The following SYNJ2 variants were observed in gnomAD, a reference collection of about 807,000 sequenced individuals.
The protein encoded by SYNJ2 is polyphosphatidylinositol phosphatase SYNJ2.
Under a neutral mutation model 141.3 loss-of-function variants are expected in SYNJ2, and 116 were observed. That is an observed-to-expected ratio of 0.82 (90% CI 0.71 to 0.96). The LOEUF is 0.96. SYNJ2 is among the 40% of genes least tolerant of loss of function. The pLI is 0.00. For synonymous variants in SYNJ2, 745 were observed against 777.7 expected (o/e 0.96, Z 0.70); for missense variants, 1,873 against 1,934.8 (o/e 0.97, Z 0.60).
chr6:158,088,923 G>T (rs1783257724), intron 24 of SYNJ2, 151 bp downstream of exon 24: 2 of 606,552 alleles, frequency 3.3e-6, no homozygotes, highest in East Asian at 5.7e-5. Context: ...TTCCTCGCAG[G>T]TTCTCCATAG....
rs189666171 is a variant in SYNJ2, at chr6:158,067,085, C to T, written c.1717+450C>T. On this transcript the variant is annotated intron_variant, in intron 12 of 26. Transcript: ENST00000355585. Reference sequence around the variant, plus strand: ...CCAGGCTAGAGTGTAGTGACGCAATCTCGGCTCACTGCAACCTCCATCTCC... The same window carrying T: ...CCAGGCTAGAGTGTAGTGACGCAATTTCGGCTCACTGCAACCTCCATCTCC... 1.6e-3 allele frequency among the ~76,000 whole-genome samples: 250 copies of T among 152,336 alleles called. 1 individual carries two copies. Among genetic ancestry groups the T allele is most frequent in the Non-Finnish European group, 2.9e-3 (200 of 68,034 alleles).
chr6:158,094,748 T>C (rs538789096), intron 26 of SYNJ2, among the ~76,000 whole-genome samples: 3 of 152,388 alleles, frequency 2.0e-5, no homozygotes, highest in African/African-American at 7.2e-5. Flanking sequence ...TCACCTTTTC[T>C]GAACAAAAGC....
At chr6:158,095,208 T>G (rs1783728453) in intron 26 of SYNJ2, among the ~76,000 whole-genome samples, 1 of 152,204 alleles carries the variant, frequency 6.6e-6, no homozygotes, top group Admixed American at 6.5e-5. Context: ...TTAGCTTATG[T>G]TGTAACACAA....
Position 157,983,831 on chromosome 6 carries a change from AT to A in SYNJ2, c.127+1757del, listed in dbSNP as rs566097714. ...TTTCAGTAGAAAACTTTAAAAAAAA[AT>A]TTTTTTTTTTTTTGAAACAGAGGCT... On this transcript the variant is annotated intron_variant, in intron 1 of 26. Transcript: ENST00000355585. Among the ~76,000 whole-genome samples, 627 of 144,454 alleles carry A rather than the reference AT, an allele frequency of 4.3e-3. 5 individuals are homozygous for A. Among genetic ancestry groups the A allele is most frequent in the South Asian group, 9.3e-3 (43 of 4,616 alleles). The allele number at this position is 144,454 out of a possible 152,430, so 94.8% of individuals were successfully genotyped here. A position where few individuals can be genotyped will look rare whatever the true frequency, so the allele number is the denominator to read the frequency against.
intron 1 of SYNJ2, among the ~76,000 whole-genome samples, chr6:158,000,654 C>T (rs1777811613): frequency 6.6e-6 from 1 of 152,072 alleles, no homozygotes; most frequent in African/African-American, 2.4e-5. Flanking sequence ...TCAACTCTCC[C>T]CGCCGACCCC....
At chr6:158,082,920 G>C (rs1782790885) in intron 20 of SYNJ2, among the ~76,000 whole-genome samples, 1 of 144,656 alleles carries the variant, frequency 6.9e-6, no homozygotes, top group African/African-American at 2.7e-5. Flanking sequence ...CAAATGGGAA[G>C]CTGGAGATGA....
intron 16 of SYNJ2, among the ~76,000 whole-genome samples, chr6:158,075,737 C>T (rs143428612): frequency 1.1e-4 from 16 of 152,262 alleles, no homozygotes; most frequent in African/African-American, 2.9e-4. Context: ...ACTTGAGCCC[C>T]TTCCAGTGTG....
chr6:158,048,727 G>T (rs1413728204), intron 5 of SYNJ2, among the ~76,000 whole-genome samples: 1 of 152,208 alleles, frequency 6.6e-6, no homozygotes, highest in Non-Finnish European at 1.5e-5. Flanking sequence ...GTCAGACTGG[G>T]TGCAGGGAGC....
At position 158,047,774 on chromosome 6, in the gene SYNJ2, CAAAAAAAAA is replaced by C. The variant is rs58147972; in HGVS notation, c.795+4398_795+4406del. Among the ~76,000 whole-genome samples the C allele has an allele frequency of 8.3e-3, 268 of 32,368 alleles. 2 individuals are homozygous for C. The highest frequency in any genetic ancestry group is 0.011 in the Non-Finnish European group (220 of 19,780). The allele number at this position is 32,368 out of a possible 152,430, so 21.2% of individuals were successfully genotyped here. ...CCTGGTCAACAGAGTGCGACTCTGT[CAAAAAAAAA>C]AAAAAAAAAAAAAAAAAAAAAACAC... On this transcript the variant is annotated intron_variant, in intron 5 of 26. Transcript: ENST00000355585.
At chr6:158,049,285 G>A (rs1780425686) in intron 5 of SYNJ2, among the ~76,000 whole-genome samples, 1 of 152,168 alleles carries the variant, frequency 6.6e-6, no homozygotes, top group Admixed American at 6.5e-5. Flanking sequence ...TGCAGTGACA[G>A]TGGTGGACCC....
intron 2 of SYNJ2, among the ~76,000 whole-genome samples, chr6:158,022,124 G>A (rs1160036284): frequency 1.3e-5 from 2 of 152,226 alleles, no homozygotes; most frequent in African/African-American, 2.4e-5. Flanking sequence ...GGTGGCGGGG[G>A]AGGCTCAAGG....
At chr6:158,077,352 T>C (rs1782367767) in intron 17 of SYNJ2, among the ~76,000 whole-genome samples, 1 of 152,158 alleles carries the variant, frequency 6.6e-6, no homozygotes, top group Non-Finnish European at 1.5e-5. Flanking sequence ...TGGCTGCCCC[T>C]GCATCACAGC....
intron 4 of SYNJ2, among the ~76,000 whole-genome samples, chr6:158,042,333 G>T (rs1779993298): frequency 6.6e-6 from 1 of 152,226 alleles, no homozygotes; most frequent in African/African-American, 2.4e-5. Context: ...GTGGCCCAGG[G>T]AAACAGTGGC....
intron 23 of SYNJ2, among the ~76,000 whole-genome samples, chr6:158,087,271 T>G (rs1346996816): frequency 2.6e-5 from 4 of 152,186 alleles, no homozygotes; most frequent in African/African-American, 9.7e-5. Context: ...CATTAGAGGA[T>G]GCAGAATGGG....
In SYNJ2 at chr6:158,071,942, G is replaced by A. The variant is rs1781955720; in HGVS notation, c.2133+148G>A. On this transcript the variant is annotated intron_variant, in intron 15 of 26. Coordinates refer to ENST00000355585, the MANE Select transcript of SYNJ2 (RefSeq NM_003898.4). This position sits in a 1 kb window ranked among gnomAD's most constrained non-coding sequence, Gnocchi z 4.3. Reference sequence around the variant, plus strand: ...CGCTGGGGGAGGGGGAGAGGGCTATGTCCCTCCATGGAATTGACCTGGGGC... The same window carrying A: ...CGCTGGGGGAGGGGGAGAGGGCTATATCCCTCCATGGAATTGACCTGGGGC... 1.0e-6 allele frequency: 1 copy of A among 972,848 alleles called. No homozygotes were observed. The highest frequency in any genetic ancestry group is 2.7e-5 in the East Asian group (1 of 37,240). 60.3% of individuals were successfully genotyped at this position (972,848 alleles called of 1,614,324 possible). A position where few individuals can be genotyped will look rare whatever the true frequency, so the allele number is the denominator to read the frequency against.
rs1468846199 is a variant in SYNJ2 at position 158,071,646 on chromosome 6, C to A, written c.1985C>A (p.Ala662Glu). ...GTGAAGACGGGCATGGGGGGCAAGG[C>A]GGGGAACAAGGGCGCCGTCGGCATC... ...DTVKTGMGGK[A>E]GNKGAVGIRF... Residue 662 changes from alanine (A) to glutamate (E), a missense_variant, in exon 15 of 27, where the codon GCG becomes GAG. Transcript: ENST00000355585. This position sits in a 1 kb window ranked among gnomAD's most constrained non-coding sequence, Gnocchi z 4.3. The A allele has an allele frequency of 1.2e-6, 2 of 1,614,022 alleles. No individual in the cohort carries two copies. The highest frequency in any genetic ancestry group is 3.3e-5 in the Admixed American group (2 of 60,012).
chr6:158,067,699 A>G (rs1319610302), intron 12 of SYNJ2: 9 of 985,030 alleles, frequency 9.1e-6, no homozygotes, highest in Non-Finnish European at 9.6e-6. Flanking sequence ...CCTGGGTAGT[A>G]CCCAGAGCCC....
intron 3 of SYNJ2, 114 bp downstream of exon 3, chr6:158,029,140 A>G (rs1447055021): frequency 5.0e-6 from 7 of 1,405,488 alleles, no homozygotes; most frequent in Admixed American, 4.6e-5. Context: ...GTTATGGGGC[A>G]CCTCTGGAGA....
chr6:158,053,536 T>A (rs1780681930), intron 5 of SYNJ2, among the ~76,000 whole-genome samples: 1 of 149,712 alleles, frequency 6.7e-6, no homozygotes, highest in Admixed American at 6.6e-5. Flanking sequence ...GCACACTGAT[T>A]CACCCATCTG....
Sources: gnomAD v4.1 joint callset for allele counts (sites outside exome capture counted in the v4.1 genomes callset) on GRCh38, gnomAD v4.1.1 for gene constraint, Gnocchi (gnomAD v3.1) non-coding constraint, MANE v1.5 for transcripts, NCBI Gene and HGNC (gene_info 2026-07-23, HGNC 2026-07-21) for gene names.